Variants in SORCS1 observed in about 807,000 individuals in gnomAD.
SORCS1 encodes sortilin related VPS10 domain containing receptor 1.
A neutral mutation model predicts 146.1 loss-of-function variants in SORCS1; 60 were observed. The ratio of observed to expected loss-of-function variants is 0.41; its 90% CI spans 0.33 to 0.51. The LOEUF is 0.51. SORCS1 is among the 20% of genes least tolerant of loss of function. The probability of loss-of-function intolerance (pLI) is 0.21; values close to 1 mark genes in which losing one functional copy is unlikely to be tolerated. For synonymous variants in SORCS1, 637 were observed against 584.0 expected (o/e 1.09, Z -1.31); for missense variants, 1,352 against 1,487.6 (o/e 0.91, Z 1.50).
intron 1 of SORCS1, among the ~76,000 whole-genome samples, chr10:107,160,765 A>G (rs1969641893): frequency 6.6e-6 from 1 of 152,218 alleles, no homozygotes; most frequent in Non-Finnish European, 1.5e-5. Flanking sequence ...TACTACCTAC[A>G]AAGGATTTTA....
chr10:106,878,287 T>A (rs1360618687), intron 2 of SORCS1, among the ~76,000 whole-genome samples: 1 of 151,626 alleles, frequency 6.6e-6, no homozygotes, highest in Non-Finnish European at 1.5e-5. Flanking sequence ...GTCACAATAA[T>A]TCGGGATATA....
At chr10:106,602,462 G>A (rs1216123379) in intron 23 of SORCS1, among the ~76,000 whole-genome samples, 3 of 150,494 alleles carry the variant, frequency 2.0e-5, no homozygotes, top group Non-Finnish European at 4.4e-5. Context: ...GGAAGCAATG[G>A]AGCCAAATAC....
intron 1 of SORCS1, among the ~76,000 whole-genome samples, chr10:107,024,269 A>G (rs1320133439): frequency 6.6e-6 from 1 of 152,010 alleles, no homozygotes; most frequent in Non-Finnish European, 1.5e-5. Flanking sequence ...TCTTCTGGTA[A>G]GAGAATCAGG....
At chr10:106,661,830 A>G (rs1850752809) in intron 17 of SORCS1, among the ~76,000 whole-genome samples, 1 of 152,234 alleles carries the variant, frequency 6.6e-6, no homozygotes, top group Non-Finnish European at 1.5e-5. Context: ...TTTCACTCTC[A>G]ATCCCTAACA....
intron 1 of SORCS1, among the ~76,000 whole-genome samples, chr10:107,124,207 G>C (rs918975027): frequency 6.6e-6 from 1 of 152,176 alleles, no homozygotes; most frequent in Non-Finnish European, 1.5e-5. Context: ...TTACAGGTAT[G>C]TGTTGTTATT....
intron 1 of SORCS1, among the ~76,000 whole-genome samples, chr10:106,961,746 C>T (rs1955233381): frequency 6.6e-6 from 1 of 152,166 alleles, no homozygotes; most frequent in Admixed American, 6.6e-5. Flanking sequence ...CATAGCAACA[C>T]CTGCAAGTTA....
chr10:107,028,671 T>C (rs563575801), intron 1 of SORCS1, among the ~76,000 whole-genome samples: 2 of 152,288 alleles, frequency 1.3e-5, no homozygotes, highest in East Asian at 3.9e-4. Flanking sequence ...CATAATTCAA[T>C]CAAGCACTGT....
intron 3 of SORCS1, among the ~76,000 whole-genome samples, chr10:106,827,650 A>C (rs550123575): frequency 6.6e-6 from 1 of 152,342 alleles, no homozygotes; most frequent in African/African-American, 2.4e-5. Context: ...TCATAAAAAT[A>C]AAAGATATAA....
At chr10:106,621,668 T>C (rs1589496305) in intron 19 of SORCS1, among the ~76,000 whole-genome samples, 1 of 152,014 alleles carries the variant, frequency 6.6e-6, no homozygotes, top group South Asian at 2.1e-4. Flanking sequence ...TTCCCTCTCC[T>C]GTATTCTCTA....
At position 106,790,387 on chromosome 10, in the gene SORCS1, T is replaced by G. The variant is rs1343711511; in HGVS notation, c.727-13695A>C. On this transcript the variant is annotated intron_variant, in intron 3 of 25. Transcript: ENST00000263054. ...GTGCTGCAGCCAATGAGCTGGGAACTCAGTCTCAAATCCATCTCCCTGACT... is the reference window on the plus strand; with the variant it reads ...GTGCTGCAGCCAATGAGCTGGGAACGCAGTCTCAAATCCATCTCCCTGACT... 2.0e-5 allele frequency among the ~76,000 whole-genome samples: 3 copies of G among 152,328 alleles called. No homozygotes were observed. The South Asian group carries it at 6.2e-4, about 32-fold the overall frequency.
intron 2 of SORCS1, among the ~76,000 whole-genome samples, chr10:106,857,715 AT>A (rs1412036850): frequency 1.3e-5 from 2 of 152,214 alleles, no homozygotes; most frequent in Non-Finnish European, 2.9e-5. Context: ...TCATTGACAG[AT>A]TTTTTTTAAC....
At chr10:106,866,684 C>CA (rs1950231619) in intron 2 of SORCS1, among the ~76,000 whole-genome samples, 1 of 152,180 alleles carries the variant, frequency 6.6e-6, no homozygotes, top group South Asian at 2.1e-4. Context: ...AAGGATCTAC[C>CA]AACTGACAAA....
chr10:106,758,435 G>A (rs1339893643), intron 5 of SORCS1, among the ~76,000 whole-genome samples: 2 of 151,966 alleles, frequency 1.3e-5, no homozygotes, highest in East Asian at 1.9e-4. Context: ...TCTAGTTCTG[G>A]GCACCATGTA....
chr10:107,129,084 C>T (rs1449066835), intron 1 of SORCS1, among the ~76,000 whole-genome samples: 1 of 152,232 alleles, frequency 6.6e-6, no homozygotes, highest in African/African-American at 2.4e-5. Flanking sequence ...CGTTCAGATT[C>T]AAGACACCAA....
At chr10:107,000,757 T>A (rs557588259) in intron 1 of SORCS1, among the ~76,000 whole-genome samples, 4 of 152,192 alleles carry the variant, frequency 2.6e-5, no homozygotes, top group African/African-American at 9.6e-5. Context: ...GATATTCATA[T>A]ATCTAAGATA....
chr10:106,863,989 CA>C (rs943622602), intron 2 of SORCS1, among the ~76,000 whole-genome samples: 31 of 152,060 alleles, frequency 2.0e-4, no homozygotes, highest in African/African-American at 7.0e-4. Context: ...CCTGAACAGC[CA>C]GTAACAGATG....
At chr10:107,068,847 G>A (rs1962155479) in intron 1 of SORCS1, among the ~76,000 whole-genome samples, 1 of 144,238 alleles carries the variant, frequency 6.9e-6, no homozygotes, top group East Asian at 2.1e-4. Context: ...TCCAGCCTGG[G>A]CAACAGAGCG....
intron 1 of SORCS1, among the ~76,000 whole-genome samples, chr10:107,074,086 G>T (rs1028568867): frequency 6.6e-6 from 1 of 151,972 alleles, no homozygotes; most frequent in Non-Finnish European, 1.5e-5. Flanking sequence ...GTTCATTCTC[G>T]GCCTTGTCCA....
intron 17 of SORCS1, among the ~76,000 whole-genome samples, chr10:106,663,695 C>G (rs1850911160): frequency 1.3e-5 from 2 of 152,284 alleles, no homozygotes; most frequent in South Asian, 4.2e-4. Flanking sequence ...TTACCTCTTG[C>G]CAACTCTTGA....
Sources: gnomAD v4.1 joint callset for allele counts (sites outside exome capture counted in the v4.1 genomes callset) on GRCh38, gnomAD v4.1.1 for gene constraint, MANE v1.5 for transcripts, NCBI Gene and HGNC (gene_info 2026-07-23, HGNC 2026-07-21) for gene names.